DENND4C: variants seen among roughly 807,000 people sequenced by gnomAD.
DENND4C encodes DENN domain-containing protein 4C.
In DENND4C, 108 loss-of-function variants were observed where a neutral mutation model predicts 203.0. The ratio of observed to expected loss-of-function variants is 0.53; its 90% CI spans 0.46 to 0.62. The LOEUF (loss-of-function observed/expected upper bound fraction) is 0.62, where lower values mean the gene tolerates loss of function less well. Ranked by LOEUF, DENND4C falls within the 20% of genes least tolerant of loss-of-function variation. The probability of loss-of-function intolerance (pLI) is 0.00; values close to 1 mark genes in which losing one functional copy is unlikely to be tolerated. For missense variants in DENND4C, 2,481 were observed against 2,301.2 expected, an observed-to-expected ratio of 1.08 and a Z score of -1.60; for synonymous variants, 871 against 792.4, an observed-to-expected ratio of 1.10 and a Z score of -1.67.
intron 26 of DENND4C, 138 bp downstream of exon 26, chr9:19,352,803 A>C (rs1824449255): frequency 7.1e-6 from 4 of 563,322 alleles, no homozygotes; most frequent in Non-Finnish European, 8.7e-6. Context: ...AGTAGCAAAT[A>C]CTAGTAATGT....
chr9:19,340,413 G>C (rs1320565846), intron 20 of DENND4C, among the ~76,000 whole-genome samples: 1 of 152,084 alleles, frequency 6.6e-6, no homozygotes, highest in African/African-American at 2.4e-5. Flanking sequence ...GTGAAATACA[G>C]TTGGCTTCAT....
Position 19,304,539 on chromosome 9 carries a change from G to C in DENND4C, c.1312-813G>C, listed in dbSNP as rs1839258785. Among the ~76,000 whole-genome samples, 4 of 148,194 alleles carry C rather than the reference G, an allele frequency of 2.7e-5. No homozygotes were observed. The South Asian group carries it at 8.6e-4, about 32-fold the overall frequency. ...CACTGATGTTTATTTGAAGAGTTACGAATTTTTTTTTTTTTGAGACCGAGT... is the reference window on the plus strand; with the variant it reads ...CACTGATGTTTATTTGAAGAGTTACCAATTTTTTTTTTTTTGAGACCGAGT... On this transcript the variant is annotated intron_variant, in intron 9 of 32. Coordinates refer to ENST00000434457, the MANE Select transcript of DENND4C (RefSeq NM_001330640.2).
chr9:19,277,365 C>G lies in DENND4C; in HGVS notation c.305+886C>G, dbSNP rs1053724730. Among the ~76,000 whole-genome samples the G allele has an allele frequency of 1.3e-5, 2 of 152,184 alleles. 1 individual carries two copies. The highest frequency in any genetic ancestry group is 4.1e-4 in the South Asian group (2 of 4,826). Reference sequence around the variant, plus strand: ...GGTTTAGGTCTTCTTTAATTTCTTTCAGCAACATTGTGTATTTTTTAAATC... The same window carrying G: ...GGTTTAGGTCTTCTTTAATTTCTTTGAGCAACATTGTGTATTTTTTAAATC... On this transcript the variant is annotated intron_variant, in intron 2 of 32. Coordinates refer to ENST00000434457, the MANE Select transcript of DENND4C (RefSeq NM_001330640.2).
In DENND4C at chr9:19,373,899, T is replaced by C. The variant is rs1364866398; in HGVS notation, c.*1726T>C. Among the ~76,000 whole-genome samples, 2 of 152,218 alleles carry C rather than the reference T, an allele frequency of 1.3e-5. No individual in the cohort carries two copies. Among genetic ancestry groups the C allele is most frequent in the Non-Finnish European group, 2.9e-5 (2 of 68,032 alleles). On this transcript the variant is annotated 3_prime_UTR_variant, in exon 33 of 33. Coordinates refer to ENST00000434457, the MANE Select transcript of DENND4C (RefSeq NM_001330640.2). ...AACATTTCAGGGTTAATCTGACCTATGCAGAATTCTAGTGTGAATTTATTG... is the reference window on the plus strand; with the variant it reads ...AACATTTCAGGGTTAATCTGACCTACGCAGAATTCTAGTGTGAATTTATTG...
intron 26 of DENND4C, among the ~76,000 whole-genome samples, chr9:19,353,501 GC>G (rs1158202934): frequency 6.6e-6 from 1 of 151,922 alleles, no homozygotes; most frequent in Non-Finnish European, 1.5e-5. Flanking sequence ...GGCGGCGTGC[GC>G]CTGTAGTCCC....
chr9:19,260,976 T>C (rs1335691058), intron 1 of DENND4C, among the ~76,000 whole-genome samples: 1 of 152,176 alleles, frequency 6.6e-6, no homozygotes, highest in South Asian at 2.1e-4. Context: ...CAATATTTTC[T>C]TGTAGTAGTT....
intron 27 of DENND4C, chr9:19,357,434 G>A (rs1024613291): frequency 9.0e-6 from 3 of 334,252 alleles, no homozygotes; most frequent in East Asian, 5.9e-5. Context: ...TTCCAGAGGC[G>A]AAATGTTCTC....
chr9:19,299,401 T>C lies in DENND4C; in HGVS notation c.1166+114T>C, dbSNP rs1231453306. Reference sequence around the variant, plus strand: ...TAGTGATTGTTATTTTACAATTAACTTTATTAGTTAAAACTAGGCAAAAAT... The same window carrying C: ...TAGTGATTGTTATTTTACAATTAACCTTATTAGTTAAAACTAGGCAAAAAT... On this transcript the variant is annotated intron_variant, in intron 8 of 32. Coordinates refer to ENST00000434457, the MANE Select transcript of DENND4C (RefSeq NM_001330640.2). The C allele has an allele frequency of 8.2e-6, 6 of 727,384 alleles. No individual in the cohort carries two copies. In the East Asian group the frequency reaches 2.1e-4, roughly 26 times the overall value. 45.1% of individuals were successfully genotyped at this position (727,384 alleles called of 1,614,324 possible). A position where few individuals can be genotyped will look rare whatever the true frequency, so the allele number is the denominator to read the frequency against.
At chr9:19,364,060 G>A (rs115637054) in intron 30 of DENND4C, among the ~76,000 whole-genome samples, 2,178 of 152,200 alleles carry the variant, frequency 0.014, 57 homozygotes, top group African/African-American at 0.05. Context: ...GCTTACGCCC[G>A]TAACCACAAC....
At chr9:19,241,520 T>G (rs754008691) in intron 1 of DENND4C, among the ~76,000 whole-genome samples, 1 of 151,898 alleles carries the variant, frequency 6.6e-6, no homozygotes, top group Admixed American at 6.6e-5. Flanking sequence ...TTTTCTTTTT[T>G]TTTTTACTTT....
At chr9:19,362,077 C>G (rs936950689) in intron 30 of DENND4C, 114 bp downstream of exon 30, 1 of 577,170 alleles carries the variant, frequency 1.7e-6, no homozygotes, top group Admixed American at 3.2e-5. Context: ...AGTTGGAGAC[C>G]AGGCTGGCCA....
chr9:19,303,274 A>G (rs1382899065), intron 9 of DENND4C, among the ~76,000 whole-genome samples: 1 of 152,184 alleles, frequency 6.6e-6, no homozygotes, highest in Admixed American at 6.5e-5. Flanking sequence ...CTCAACCTGT[A>G]GTATAATATT....
chr9:19,328,267 A>T, intron 16 of DENND4C, 105 bp downstream of exon 16: 2 of 1,146,240 alleles, frequency 1.7e-6, no homozygotes, highest in Non-Finnish European at 2.4e-6. Flanking sequence ...CCATTTGAAG[A>T]CTCACTTTGG....
At chr9:19,316,363 A>G (rs1588903889) in intron 10 of DENND4C, 54 bp from the exon 11 acceptor site, 1 of 1,443,538 alleles carries the variant, frequency 6.9e-7, no homozygotes. Flanking sequence ...AATTTTGTCT[A>G]GTAAAAGCAG....
chr9:19,261,732 C>T (rs889927201), intron 1 of DENND4C, among the ~76,000 whole-genome samples: 5 of 151,870 alleles, frequency 3.3e-5, no homozygotes, highest in Admixed American at 3.3e-4. Flanking sequence ...GACCCATTGG[C>T]TCACTCAAGC....
At chr9:19,250,525 A>G (rs1382791267) in intron 1 of DENND4C, among the ~76,000 whole-genome samples, 1 of 151,948 alleles carries the variant, frequency 6.6e-6, no homozygotes. Flanking sequence ...GCTGCACCCG[A>G]CCCCAAAGTC....
chr9:19,274,789 T>C (rs965119459), intron 1 of DENND4C, among the ~76,000 whole-genome samples: 9 of 152,242 alleles, frequency 5.9e-5, no homozygotes, highest in African/African-American at 1.4e-4. Context: ...TTTAATGATA[T>C]TTATTACTGT....
intron 5 of DENND4C, among the ~76,000 whole-genome samples, chr9:19,291,881 A>G (rs1225270482): frequency 6.6e-6 from 1 of 152,178 alleles, no homozygotes; most frequent in African/African-American, 2.4e-5. Flanking sequence ...TGAAGGAGAG[A>G]CTAGAAAAGG....
In DENND4C at chr9:19,258,979, A is replaced by C. The variant is rs557937902; in HGVS notation, c.-17-17179A>C. Among the ~76,000 whole-genome samples, 18 of 152,230 alleles carry C rather than the reference A, an allele frequency of 1.2e-4. No homozygotes were observed. In the East Asian group the frequency reaches 3.5e-3, roughly 29 times the overall value. The stretch of plus-strand genomic sequence containing the variant: ...CTAAATTTTAAGTTTTTATGGGTAC[A>C]TAGTAGGTGTATATATTTATGGGAT... On this transcript the variant is annotated intron_variant, in intron 1 of 32. Transcript: ENST00000434457.
Sources: gnomAD v4.1 joint callset for allele counts (sites outside exome capture counted in the v4.1 genomes callset) on GRCh38, gnomAD v4.1.1 for gene constraint, MANE v1.5 for transcripts, NCBI Gene and HGNC (gene_info 2026-07-23, HGNC 2026-07-21) for gene names.